The following AMN variants were observed in gnomAD, a reference collection of about 807,000 sequenced individuals.
AMN encodes the protein amnion associated transmembrane protein, also known as protein amnionless.
A neutral mutation model predicts 49.1 loss-of-function variants in AMN; 40 were observed. The ratio of observed to expected loss-of-function variants is 0.81; its 90% CI spans 0.63 to 1.06. The LOEUF (loss-of-function observed/expected upper bound fraction) is 1.06. AMN is among the 50% of genes least tolerant of loss of function. The pLI is 0.00. For missense variants in AMN, 701 were observed against 662.8 expected, an observed-to-expected ratio of 1.06 and a Z score of -0.63; for synonymous variants, 380 against 313.3, an observed-to-expected ratio of 1.21 and a Z score of -2.25.
chr14:102,929,415 C>G lies in AMN; in HGVS notation c.652-13C>G, dbSNP rs1891276742. 4 of 1,529,960 alleles carry G rather than the reference C, an allele frequency of 2.6e-6. No individual in the cohort carries two copies. Among genetic ancestry groups the G allele is most frequent in the Admixed American group, 2.0e-5 (1 of 50,818 alleles). The allele number at this position is 1,529,960 out of a possible 1,614,324, so 94.8% of individuals were successfully genotyped here. A position where few individuals can be genotyped will look rare whatever the true frequency, so the allele number is the denominator to read the frequency against. On this transcript the variant is annotated splice_polypyrimidine_tract_variant and intron_variant, in intron 6 of 11. Coordinates refer to ENST00000299155, the MANE Select transcript of AMN (RefSeq NM_030943.4). ...CTCTGGCCCTCCGCGCTGACCACCG[C>G]CCCTCGCACCAGGCGCAGCCGTGGA...
Position 102,929,960 on chromosome 14 carries a change from G to A in AMN, c.880G>A (p.Val294Met), listed in dbSNP as rs1244907186. Residue 294 changes from valine to methionine, a missense_variant, in exon 9 of 12, where the codon GTG becomes ATG. Val to Met is a conservative substitution (Grantham distance 21, BLOSUM62 1). Transcript: ENST00000299155. ...YHGLQVAVSK[V>M]PRSSRLREAD... ...CGGGCTGCAGGTGGCCGTGTCCAAG[G>A]TGCCACGCTCGTCCCGGCTCCGTGA... 1 of 1,564,384 alleles carries A rather than the reference G, an allele frequency of 6.4e-7. No individual in the cohort carries two copies. The highest frequency in any genetic ancestry group is 1.2e-5 in the South Asian group (1 of 84,834).
At chr14:102,923,626 T>C (rs966226720) in intron 1 of AMN, 85 bp from the exon 2 acceptor site, 2 of 1,242,814 alleles carry the variant, frequency 1.6e-6, no homozygotes, top group Non-Finnish European at 1.2e-6. Context: ...CGCGCGGACC[T>C]TCCGCACTTC....
chr14:102,930,098 C>G lies in AMN; in HGVS notation c.1006+12C>G. The G allele has an allele frequency of 2.0e-6, 3 of 1,515,340 alleles. No homozygotes were observed. In the South Asian group the frequency reaches 3.7e-5, roughly 19 times the overall value. 93.9% of individuals were successfully genotyped at this position (1,515,340 alleles called of 1,614,324 possible). On this transcript the variant is annotated intron_variant, in intron 9 of 11. Transcript: ENST00000299155. ...CGTCGCCGAGAACGGTAACCGCGCC[C>G]GCCCCATCCCGCCCCGCCGCGCCTC...
At chr14:102,929,823 G>A (rs899688048) in intron 8 of AMN, 86 bp downstream of exon 8, 4 of 1,542,798 alleles carry the variant, frequency 2.6e-6, no homozygotes, top group Non-Finnish European at 3.5e-6. Flanking sequence ...CAGGGTCCCT[G>A]CGGCTGCTCA....
intron 3 of AMN, among the ~76,000 whole-genome samples, chr14:102,926,560 CCACCACCACCAAAA>C (rs1194422514): frequency 6.6e-6 from 1 of 151,212 alleles, no homozygotes; most frequent in Non-Finnish European, 1.5e-5. Flanking sequence ...ACAACTACCA[CCACCACCACCAAAA>C]AAACCCTGGA....
In AMN at chr14:102,930,440, G is replaced by T. The variant is rs1312003600; in HGVS notation, c.1204G>T (p.Ala402Ser). The part of the protein sequence containing the change: ...RRHEAAAPAG[A>S]PLGFRNPVFD... ...GCACGAGGCGGCGGCCCCGGCTGGAGCGCCCCTCGGCTTCCGCAACCCGGT... is the reference window on the plus strand; with the variant it reads ...GCACGAGGCGGCGGCCCCGGCTGGATCGCCCCTCGGCTTCCGCAACCCGGT... The change falls in exon 11 of 12, where the codon GCG (alanine) becomes TCG (serine). Residue 402 changes from alanine to serine, a missense_variant. Coordinates refer to ENST00000299155, the MANE Select transcript of AMN (RefSeq NM_030943.4). 2.6e-6 allele frequency: 4 copies of T among 1,523,972 alleles called. No homozygotes were observed. The highest frequency in any genetic ancestry group is 3.5e-6 in the Non-Finnish European group (4 of 1,140,724). The allele number at this position is 1,523,972 out of a possible 1,614,324, so 94.4% of individuals were successfully genotyped here.
chr14:102,930,638 C>T lies in AMN; in HGVS notation c.1320C>T (p.Tyr440=), dbSNP rs1595435070. 1.2e-6 allele frequency: 2 copies of T among 1,601,768 alleles called. No homozygotes were observed. Among genetic ancestry groups the T allele is most frequent in the African/African-American group, 1.3e-5 (1 of 74,818 alleles). ...CCGCAGACAGCACCAGCCACAGTTACTTCGTCAACCCTCTGTTCGCCGGGG... is the reference window on the plus strand; with the variant it reads ...CCGCAGACAGCACCAGCCACAGTTATTTCGTCAACCCTCTGTTCGCCGGGG... The part of the protein sequence containing the change: ...KAAADSTSHS[Y]FVNPLFAGAE... The change falls in exon 12 of 12, where the codon TAC becomes TAT. Residue 440 remains tyrosine (Y), a synonymous_variant. Coordinates refer to ENST00000299155, the MANE Select transcript of AMN (RefSeq NM_030943.4).
intron 3 of AMN, among the ~76,000 whole-genome samples, chr14:102,925,757 G>A (rs1891172331): frequency 6.6e-6 from 1 of 152,180 alleles, no homozygotes; most frequent in Non-Finnish European, 1.5e-5. Context: ...ATTGGCCGGT[G>A]GGAACAGCGC....
In AMN at chr14:102,928,993, G is replaced by A; in HGVS notation, c.513+18G>A. 1 of 1,596,698 alleles carries A rather than the reference G, an allele frequency of 6.3e-7. No homozygotes were observed. The highest frequency in any genetic ancestry group is 8.5e-7 in the Non-Finnish European group (1 of 1,178,744). On this transcript the variant is annotated intron_variant, in intron 5 of 11. Transcript: ENST00000299155. ...TGGGCCGGGTGAGCACTGAGGGGAG[G>A]GAGGCTCGGGTCCCCTCTCCCCACC...
chr14:102,924,408 G>A (rs917795095), intron 3 of AMN, among the ~76,000 whole-genome samples: 1 of 152,208 alleles, frequency 6.6e-6, no homozygotes, highest in African/African-American at 2.4e-5. Flanking sequence ...CCCAGGAAGA[G>A]GCGAGCCCAC....
Position 102,930,679 on chromosome 14 carries a change from G to C in AMN, c.1361G>C (p.Ter454SerextTer4). Reference protein sequence around the residue: ...PLFAGAEAEA* With the variant: ...PLFAGAEAEAS ...TTCGCCGGGGCCGAGGCCGAGGCCT[G>C]AGCGGCCGCCTGACCGTCGACCTTG... Residue 454 changes from the stop codon to serine, a stop_lost, in exon 12 of 12, where the codon TGA (stop) becomes TCA (serine). Coordinates refer to ENST00000299155, the MANE Select transcript of AMN (RefSeq NM_030943.4). 6.3e-7 allele frequency: 1 copy of C among 1,580,950 alleles called. No homozygotes were observed. Among genetic ancestry groups the C allele is most frequent in the Non-Finnish European group, 8.6e-7 (1 of 1,164,814 alleles).
At position 102,930,815 on chromosome 14, in the gene AMN, G is replaced by A. The variant is rs1431243948; in HGVS notation, c.*135G>A. The A allele has an allele frequency of 3.2e-5, 33 of 1,024,446 alleles. No individual in the cohort carries two copies. Among genetic ancestry groups the A allele is most frequent in the Middle Eastern group, 2.9e-4 (1 of 3,390 alleles). 63.5% of individuals were successfully genotyped at this position (1,024,446 alleles called of 1,614,324 possible). A position where few individuals can be genotyped will look rare whatever the true frequency, so the allele number is the denominator to read the frequency against. On this transcript the variant is annotated 3_prime_UTR_variant, in exon 12 of 12. Transcript: ENST00000299155. ...TCCTCCGGGGGCCAAGGACAGGGTGGCCTTACTCAGTAAAGGTGTTTCCTG... is the reference window on the plus strand; with the variant it reads ...TCCTCCGGGGGCCAAGGACAGGGTGACCTTACTCAGTAAAGGTGTTTCCTG...
Position 102,922,747 on chromosome 14 carries a change from AC to A in AMN, c.43+18del, listed in dbSNP as rs1184163683. The stretch of plus-strand genomic sequence containing the variant: ...CAGCTCTGCGGTGAGCCGGGACCAC[AC>A]CGGTGCGGGCCCGGACGGTAGCGGT... On this transcript the variant is annotated intron_variant, in intron 1 of 11. Coordinates refer to ENST00000299155, the MANE Select transcript of AMN (RefSeq NM_030943.4). The A allele has an allele frequency of 6.3e-7, 1 of 1,577,382 alleles. No homozygotes were observed. The highest frequency in any genetic ancestry group is 1.3e-5 in the African/African-American group (1 of 74,534).
intron 3 of AMN, among the ~76,000 whole-genome samples, 194 bp from the exon 4 acceptor site, chr14:102,928,232 C>T (rs1566827425): frequency 6.6e-6 from 1 of 152,254 alleles, no homozygotes; most frequent in Non-Finnish European, 1.5e-5. Flanking sequence ...CTTGCCCACG[C>T]GGCCCCATCT....
chr14:102,928,735 C>T (rs749047367), intron 4 of AMN, 23 bp from the exon 5 acceptor site: 2 of 1,601,414 alleles, frequency 1.2e-6, no homozygotes, highest in African/African-American at 2.7e-5. Context: ...TTCCGTGGAG[C>T]TCAGGGATGT....
Position 102,922,755 on chromosome 14 carries a change from G to A in AMN, c.43+24G>A, listed in dbSNP as rs372711546. The stretch of plus-strand genomic sequence containing the variant: ...CGGTGAGCCGGGACCACACCGGTGC[G>A]GGCCCGGACGGTAGCGGTCTGTCAG... On this transcript the variant is annotated intron_variant, in intron 1 of 11. Transcript: ENST00000299155. 24 of 1,569,666 alleles carry A rather than the reference G, an allele frequency of 1.5e-5. No individual in the cohort carries two copies. The African/African-American group carries it at 2.4e-4, about 16-fold the overall frequency.
intron 3 of AMN, among the ~76,000 whole-genome samples, chr14:102,927,935 C>T (rs1891223648): frequency 6.6e-6 from 1 of 152,230 alleles, no homozygotes; most frequent in South Asian, 2.1e-4. Flanking sequence ...CTCCTGCACC[C>T]CTGGCCGCCA....
chr14:102,922,797 C>G (rs1891086577), intron 1 of AMN, 66 bp downstream of exon 1: 1 of 1,531,934 alleles, frequency 6.5e-7, no homozygotes. Context: ...GGGCCGAGGT[C>G]GCTCTAGGCC....
Position 102,929,701 on chromosome 14 carries a change from G to C in AMN, c.807G>C (p.Arg269=). 6.4e-7 allele frequency: 1 copy of C among 1,551,180 alleles called. No homozygotes were observed. The highest frequency in any genetic ancestry group is 1.2e-5 in the South Asian group (1 of 84,128). ...ACGGCCCCGCATTTGACCTGGAGCG[G>C]TACCGGGCGCGGATACTGGACACCT... The part of the protein sequence containing the change: ...LTHGPAFDLE[R]YRARILDTFL... Residue 269 remains arginine, a synonymous_variant, in exon 8 of 12, where the codon CGG becomes CGC. Transcript: ENST00000299155.
Sources: allele counts gnomAD v4.1 joint callset (sites outside exome capture counted in the v4.1 genomes callset), GRCh38; gene constraint gnomAD v4.1.1; transcripts MANE v1.5; gene names NCBI Gene and HGNC (gene_info 2026-07-23, HGNC 2026-07-21).